The following LUZP2 variants were observed in gnomAD, a reference collection of about 807,000 sequenced individuals.
LUZP2 encodes leucine zipper protein 2.
Under a neutral mutation model 51.6 loss-of-function variants are expected in LUZP2, and 52 were observed. That is an observed-to-expected ratio of 1.01 (90% CI 0.81 to 1.27). LUZP2 has a LOEUF of 1.27. LUZP2 is among the 50% of genes most tolerant of loss of function. LUZP2 has a pLI of 0.00. For missense variants in LUZP2, 436 were observed against 395.4 expected, an observed-to-expected ratio of 1.10 and a Z score of -0.87; for synonymous variants, 154 against 137.3, an observed-to-expected ratio of 1.12 and a Z score of -0.85.
intron 9 of LUZP2, among the ~76,000 whole-genome samples, chr11:25,018,568 T>G (rs904944238): frequency 6.6e-6 from 1 of 151,708 alleles, no homozygotes; most frequent in Non-Finnish European, 1.5e-5. Context: ...GTCTTTGAGC[T>G]ATAATATAAT....
intron 1 of LUZP2, among the ~76,000 whole-genome samples, chr11:24,661,952 G>A (rs923966556): frequency 6.6e-6 from 1 of 152,016 alleles, no homozygotes; most frequent in Non-Finnish European, 1.5e-5. Flanking sequence ...TTAATTTATG[G>A]AATACCTGCT....
intron 5 of LUZP2, among the ~76,000 whole-genome samples, chr11:24,851,544 G>A (rs1037844728): frequency 2.0e-5 from 3 of 152,130 alleles, no homozygotes; most frequent in Admixed American, 6.6e-5. Flanking sequence ...TGTTCATCAA[G>A]GATATTGGCC....
chr11:24,914,998 T>A (rs894920091), intron 7 of LUZP2, among the ~76,000 whole-genome samples: 1 of 152,194 alleles, frequency 6.6e-6, no homozygotes, highest in Non-Finnish European at 1.5e-5. Flanking sequence ...GCATCAACTT[T>A]CAGATATTAT....
At chr11:25,037,991 T>G (rs2134001697) in intron 9 of LUZP2, among the ~76,000 whole-genome samples, 1 of 152,252 alleles carries the variant, frequency 6.6e-6, no homozygotes, top group Admixed American at 6.5e-5. Context: ...ATTACTTGGA[T>G]ATGTATGTCA....
intron 5 of LUZP2, chr11:24,785,972 G>A: frequency 1.0e-6 from 1 of 985,304 alleles, no homozygotes; most frequent in Non-Finnish European, 1.2e-6. Flanking sequence ...ATTTGAGTTT[G>A]GACTTACAAG....
intron 5 of LUZP2, among the ~76,000 whole-genome samples, chr11:24,876,213 G>C (rs1490675969): frequency 2.7e-5 from 4 of 147,636 alleles, no homozygotes; most frequent in African/African-American, 7.5e-5. Flanking sequence ...TTTTCTTCTA[G>C]GGTTTTTATG....
At chr11:24,790,646 C>A (rs1849379934) in intron 5 of LUZP2, among the ~76,000 whole-genome samples, 2 of 152,022 alleles carry the variant, frequency 1.3e-5, no homozygotes, top group South Asian at 4.2e-4. Context: ...GGATTACAGG[C>A]ATGTATCACC....
intron 5 of LUZP2, among the ~76,000 whole-genome samples, chr11:24,795,191 G>C (rs1209241430): frequency 6.6e-6 from 1 of 152,000 alleles, no homozygotes; most frequent in Non-Finnish European, 1.5e-5. Context: ...CATTATTAAT[G>C]ACCTTTTTAT....
At chr11:24,877,063 A>G (rs979737284) in intron 5 of LUZP2, among the ~76,000 whole-genome samples, 1 of 152,194 alleles carries the variant, frequency 6.6e-6, no homozygotes, top group African/African-American at 2.4e-5. Context: ...AATCCAATTT[A>G]TTCTAACTAA....
intron 9 of LUZP2, among the ~76,000 whole-genome samples, chr11:25,042,462 G>T (rs1273473048): frequency 6.6e-6 from 1 of 152,100 alleles, no homozygotes. Flanking sequence ...AAATTATTTT[G>T]CCTTGCATAG....
chr11:24,810,029 A>G (rs1352766485), intron 5 of LUZP2, among the ~76,000 whole-genome samples: 1 of 152,188 alleles, frequency 6.6e-6, no homozygotes, highest in East Asian at 1.9e-4. Flanking sequence ...AACGCATTCA[A>G]CCTGCATGTA....
At chr11:24,870,490 G>GAGACACAC (rs542708964) in intron 5 of LUZP2, among the ~76,000 whole-genome samples, 6 of 145,634 alleles carry the variant, frequency 4.1e-5, no homozygotes, top group African/African-American at 1.5e-4. Flanking sequence ...CACACACACA[G>GAGACACAC]ACACACACAC....
intron 1 of LUZP2, among the ~76,000 whole-genome samples, chr11:24,574,344 T>G (rs1407526132): frequency 9.0e-5 from 12 of 132,812 alleles, no homozygotes; most frequent in African/African-American, 3.3e-4. Context: ...CTTGCTTCCT[T>G]CCTTTCCTCC....
At position 24,736,643 on chromosome 11, in the gene LUZP2, G is replaced by C. The variant is rs993431186; in HGVS notation, c.252-1578G>C. ...ACATGAAGTCATAGTTTGGTGTGGG[G>C]TTTACAAAAGTGTCTTGCACATTGT... On this transcript the variant is annotated intron_variant, in intron 3 of 11. Transcript: ENST00000336930. Among the ~76,000 whole-genome samples, 5 of 151,846 alleles carry C rather than the reference G, an allele frequency of 3.3e-5. No individual in the cohort carries two copies. The East Asian group carries it at 9.7e-4, about 29-fold the overall frequency.
At chr11:24,718,986 T>C (rs1462599031) in intron 1 of LUZP2, among the ~76,000 whole-genome samples, 1 of 152,142 alleles carries the variant, frequency 6.6e-6, no homozygotes, top group Non-Finnish European at 1.5e-5. Context: ...CTTTGATAAT[T>C]AATTAACTGA....
intron 1 of LUZP2, among the ~76,000 whole-genome samples, chr11:24,612,745 A>G (rs1590241806): frequency 1.3e-5 from 2 of 152,064 alleles, no homozygotes; most frequent in Admixed American, 6.6e-5. Flanking sequence ...TCTTTACATG[A>G]TTAGTTGTGT....
intron 9 of LUZP2, among the ~76,000 whole-genome samples, chr11:25,044,251 G>GTATATATATATATA (rs1192643851): frequency 8.5e-6 from 1 of 117,642 alleles, no homozygotes. Context: ...GTGTGTGTGT[G>GTATATATATATATA]TGTGTGTATA....
intron 1 of LUZP2, among the ~76,000 whole-genome samples, chr11:24,633,714 A>G (rs1854969886): frequency 1.3e-5 from 2 of 152,034 alleles, no homozygotes; most frequent in South Asian, 4.1e-4. Context: ...TTTAAGTATG[A>G]TGTTTTCTAT....
intron 9 of LUZP2, among the ~76,000 whole-genome samples, chr11:25,015,072 G>A (rs1305307690): frequency 6.6e-6 from 1 of 151,880 alleles, no homozygotes; most frequent in Non-Finnish European, 1.5e-5. Flanking sequence ...GATATGCATT[G>A]TATTTATTAT....
Sources: allele counts gnomAD v4.1 joint callset (sites outside exome capture counted in the v4.1 genomes callset), GRCh38; gene constraint gnomAD v4.1.1; transcripts MANE v1.5; gene names NCBI Gene and HGNC (gene_info 2026-07-23, HGNC 2026-07-21).